The following CBLL1 variants were observed in gnomAD, a reference collection of about 807,000 sequenced individuals.
The protein encoded by CBLL1 is E3 ubiquitin-protein ligase Hakai.
CBLL1 carries 4 observed loss-of-function variants against 44.9 expected under a neutral mutation model. The observed-to-expected ratio is 0.09, with a 90% CI of 0.04 to 0.20. CBLL1 has a LOEUF of 0.20. Ranked by LOEUF, CBLL1 falls within the 10% of genes least tolerant of loss-of-function variation. The pLI, the probability that CBLL1 is intolerant of heterozygous loss-of-function variation, is 1.00. For missense variants in CBLL1, 569 were observed against 636.7 expected (o/e 0.89, Z 1.14); for synonymous variants, 235 against 202.2 (o/e 1.16, Z -1.38).
At chr7:107,744,471 C>T (rs1792904627) in intron 1 of CBLL1, 2 of 408,000 alleles carry the variant, frequency 4.9e-6, no homozygotes, top group Non-Finnish European at 8.7e-6. Context: ...AGAGCCCCGG[C>T]TCTGTTTTAT....
Position 107,759,834 on chromosome 7 carries a change from A to G in CBLL1, c.*656A>G, listed in dbSNP as rs1220177857. ...TTCATTTTTAGGCAGCCTCAGGAGC[A>G]CCAAAATACATTGGAATTCTAGTAC... On this transcript the variant is annotated 3_prime_UTR_variant, in exon 6 of 6. Coordinates refer to ENST00000440859, the MANE Select transcript of CBLL1 (RefSeq NM_024814.4). The G allele has an allele frequency of 6.6e-6, 1 of 152,324 alleles. No homozygotes were observed. The allele number at this position is 152,324 out of a possible 1,614,324, so 9.4% of individuals were successfully genotyped here.
intron 3 of CBLL1, 60 bp from the exon 4 acceptor site, chr7:107,753,835 G>T (rs1024040198): frequency 9.5e-7 from 1 of 1,053,244 alleles, no homozygotes; most frequent in Non-Finnish European, 1.4e-6. Context: ...CCAATTCATT[G>T]TGTAGATACA....
intron 4 of CBLL1, among the ~76,000 whole-genome samples, chr7:107,754,494 GAT>G (rs1052788387): frequency 1.3e-5 from 2 of 151,796 alleles, no homozygotes; most frequent in Admixed American, 6.6e-5. Context: ...CTCCAAAAAA[GAT>G]AGTTTTGCAT....
chr7:107,748,980 G>A lies in CBLL1; in HGVS notation c.114G>A (p.Ala38=), dbSNP rs1295494782. 3.7e-6 allele frequency: 6 copies of A among 1,614,008 alleles called. No individual in the cohort carries two copies. The highest frequency in any genetic ancestry group is 1.3e-5 in the African/African-American group (1 of 74,914). Residue 38 remains alanine (A), a synonymous_variant, in exon 2 of 6, where the codon GCG becomes GCA. Transcript: ENST00000440859. ...TCATCTCCAAACAAGCAAACAAAGC[G>A]AAACCTGCACCGCGAACTCAAAGAA... is the stretch of plus-strand genomic sequence containing the variant. ...IKLISKQANK[A]KPAPRTQRTI... is the part of the protein sequence containing the mutation.
At chr7:107,744,357 C>T (rs1449297460) in intron 1 of CBLL1, 181 bp downstream of exon 1, 1 of 726,472 alleles carries the variant, frequency 1.4e-6, no homozygotes, top group Non-Finnish European at 2.1e-6. Context: ...GGCCTACCGT[C>T]TGGTGTGGTA....
At chr7:107,744,258 A>G in intron 1 of CBLL1, 82 bp downstream of exon 1, 1 of 1,437,294 alleles carries the variant, frequency 7.0e-7, no homozygotes, top group Non-Finnish European at 9.3e-7. Context: ...GGCAAAAGGG[A>G]TTATGCTCGC....
chr7:107,758,856 C>T lies in CBLL1; in HGVS notation c.1154C>T (p.Thr385Ile). 1 of 1,614,012 alleles carries T rather than the reference C, an allele frequency of 6.2e-7. No homozygotes were observed. Among genetic ancestry groups the T allele is most frequent in the Non-Finnish European group, 8.5e-7 (1 of 1,179,978 alleles). ...ATGACCTCTGCTCCACCACCAATAA[C>T]CCCTCCCCCTGGACATATTATTGCC... is the stretch of plus-strand genomic sequence containing the variant. ...PPMTSAPPPI[T>I]PPPGHIIAQM... Residue 385 changes from threonine (T) to isoleucine (I), a missense_variant, in exon 6 of 6, where the codon ACC becomes ATC. This residue lies in a region of CBLL1 where 228 missense variants were observed against 253.2 expected (regional missense o/e 0.90). Coordinates refer to ENST00000440859, the MANE Select transcript of CBLL1 (RefSeq NM_024814.4). This position sits in a 1 kb window ranked among gnomAD's most constrained non-coding sequence, Gnocchi z 4.2.
chr7:107,758,871 A>T lies in CBLL1; in HGVS notation c.1169A>T (p.His390Leu). The T allele has an allele frequency of 6.2e-7, 1 of 1,613,936 alleles. No homozygotes were observed. Among genetic ancestry groups the T allele is most frequent in the Non-Finnish European group, 8.5e-7 (1 of 1,179,956 alleles). Residue 390 changes from histidine (H) to leucine (L), a missense_variant, in exon 6 of 6, where the codon CAT (histidine) becomes CTT (leucine). Coordinates refer to ENST00000440859, the MANE Select transcript of CBLL1 (RefSeq NM_024814.4). The surrounding 1 kb of genome is among the most constrained non-coding windows in gnomAD (Gnocchi z 4.2). ...CCACCAATAACCCCTCCCCCTGGAC[A>T]TATTATTGCCCAGATGCCACCTTAT... ...APPPITPPPGHIIAQMPPYMN... is the reference protein window; with the variant it reads ...APPPITPPPGLIIAQMPPYMN...
At chr7:107,751,517 C>T (rs952099007) in intron 2 of CBLL1, among the ~76,000 whole-genome samples, 4 of 152,122 alleles carry the variant, frequency 2.6e-5, no homozygotes, top group Admixed American at 6.5e-5. Flanking sequence ...TTTCTTTTAT[C>T]GTAGGGTTCC....
In CBLL1 at chr7:107,758,174, T is replaced by G; in HGVS notation, c.472T>G (p.Cys158Gly). The G allele has an allele frequency of 6.2e-7, 1 of 1,613,386 alleles. No homozygotes were observed. The highest frequency in any genetic ancestry group is 2.2e-5 in the East Asian group (1 of 44,874). ...CSDPVQRIEQCTRGSLFMCSI... is the reference protein window; with the variant it reads ...CSDPVQRIEQGTRGSLFMCSI... ...TGATCCTGTGCAGCGAATTGAGCAGTGTACACGAGGTTCTCTCTTCATGTG... is the reference window on the plus strand; with the variant it reads ...TGATCCTGTGCAGCGAATTGAGCAGGGTACACGAGGTTCTCTCTTCATGTG... The change falls in exon 6 of 6, where the codon TGT becomes GGT. Residue 158 changes from cysteine to glycine, a missense_variant. Around this residue, in one of 5 missense-constraint regions of CBLL1, gnomAD observed 209 missense variants for 202.8 expected, o/e 1.03. Transcript: ENST00000440859. The surrounding 1 kb of genome is among the most constrained non-coding windows in gnomAD (Gnocchi z 4.2).
chr7:107,759,284 G>T lies in CBLL1; in HGVS notation c.*106G>T. The T allele has an allele frequency of 2.1e-6, 2 of 949,172 alleles. No individual in the cohort carries two copies. Among genetic ancestry groups the T allele is most frequent in the Middle Eastern group, 3.2e-4 (1 of 3,142 alleles). The allele number at this position is 949,172 out of a possible 1,614,324, so 58.8% of individuals were successfully genotyped here. A position where few individuals can be genotyped will look rare whatever the true frequency, so the allele number is the denominator to read the frequency against. ...AGGAAGAGTACCTCTTATCGAGGTA[G>T]TATAAAACACATAGGGTCTTGTTTC... On this transcript the variant is annotated 3_prime_UTR_variant, in exon 6 of 6. Transcript: ENST00000440859.
At chr7:107,749,937 T>TA (rs199867031) in intron 2 of CBLL1, among the ~76,000 whole-genome samples, 60,785 of 149,772 alleles carry the variant, frequency 0.41, 12,596 homozygotes, top group East Asian at 0.62. Context: ...TGTATATATA[T>TA]TTTTTTGTTT....
At chr7:107,746,346 C>CACTTAAAA (rs1475216784) in intron 1 of CBLL1, among the ~76,000 whole-genome samples, 2 of 152,220 alleles carry the variant, frequency 1.3e-5, no homozygotes, top group East Asian at 3.9e-4. Context: ...ATGAGCTGAC[C>CACTTAAAA]ACTTAAAAAA....
In CBLL1 at chr7:107,758,457, A is replaced by G; in HGVS notation, c.755A>G (p.His252Arg). 1 of 1,614,148 alleles carries G rather than the reference A, an allele frequency of 6.2e-7. No individual in the cohort carries two copies. The highest frequency in any genetic ancestry group is 8.5e-7 in the Non-Finnish European group (1 of 1,180,020). The change falls in exon 6 of 6, where the codon CAC becomes CGC. Residue 252 changes from histidine to arginine, a missense_variant. By Grantham distance (29) the His-to-Arg change is conservative. Coordinates refer to ENST00000440859, the MANE Select transcript of CBLL1 (RefSeq NM_024814.4). The surrounding 1 kb of genome is among the most constrained non-coding windows in gnomAD (Gnocchi z 4.2). Reference protein sequence around the residue: ...PPPLQHVPHEHYNQPHEDIRA... With the variant: ...PPPLQHVPHERYNQPHEDIRA... The stretch of plus-strand genomic sequence containing the variant: ...CCTTTGCAACATGTGCCACATGAGC[A>G]CTATAATCAGCCACATGAGGATATT...
Position 107,758,979 on chromosome 7 carries a change from C to T in CBLL1, c.1277C>T (p.Pro426Leu). 1 of 1,613,914 alleles carries T rather than the reference C, an allele frequency of 6.2e-7. No homozygotes were observed. The highest frequency in any genetic ancestry group is 1.1e-5 in the South Asian group (1 of 91,052). ...GCACCCCCTCCTCACCATTATAATC[C>T]TAACTCATTACCCCAGTTCACTGAA... ...VTAPPPHHYNPNSLPQFTEDQ... is the reference protein window; with the variant it reads ...VTAPPPHHYNLNSLPQFTEDQ... The change falls in exon 6 of 6, where the codon CCT becomes CTT. Residue 426 changes from proline (P) to leucine (L), a missense_variant. Around this residue, in one of 5 missense-constraint regions of CBLL1, gnomAD observed 228 missense variants for 253.2 expected, o/e 0.90. Transcript: ENST00000440859. The surrounding 1 kb of genome is among the most constrained non-coding windows in gnomAD (Gnocchi z 4.2).
Position 107,758,155 on chromosome 7 carries a change from T to C in CBLL1, c.453T>C (p.Pro151=). The C allele has an allele frequency of 1.2e-6, 2 of 1,600,254 alleles. No individual in the cohort carries two copies. Among genetic ancestry groups the C allele is most frequent in the Middle Eastern group, 1.7e-4 (1 of 6,002 alleles). The part of the protein sequence containing the change: ...GDKMCPGCSD[P]VQRIEQCTRG... ...CCTTCTAATTTAGCTGTAGTGATCC[T>C]GTGCAGCGAATTGAGCAGTGTACAC... The change falls in exon 6 of 6, where the codon CCT becomes CCC. Residue 151 remains proline (P), a synonymous_variant. Transcript: ENST00000440859. The surrounding 1 kb of genome is among the most constrained non-coding windows in gnomAD (Gnocchi z 4.2).
intron 1 of CBLL1, among the ~76,000 whole-genome samples, chr7:107,748,219 T>C (rs574946911): frequency 6.6e-6 from 1 of 152,302 alleles, no homozygotes; most frequent in South Asian, 2.1e-4. Flanking sequence ...TAAATTATAA[T>C]TTTCCATTAC....
In CBLL1 at chr7:107,758,475, A is replaced by T. The variant is rs1793629464; in HGVS notation, c.773A>T (p.Glu258Val). The T allele has an allele frequency of 6.2e-7, 1 of 1,614,010 alleles. No homozygotes were observed. Among genetic ancestry groups the T allele is most frequent in the Non-Finnish European group, 8.5e-7 (1 of 1,180,032 alleles). Reference sequence around the variant, plus strand: ...CATGAGCACTATAATCAGCCACATGAGGATATTCGTGCTCCTCCAGCAGAA... The same window carrying T: ...CATGAGCACTATAATCAGCCACATGTGGATATTCGTGCTCCTCCAGCAGAA... Reference protein sequence around the residue: ...VPHEHYNQPHEDIRAPPAELS... With the variant: ...VPHEHYNQPHVDIRAPPAELS... Residue 258 changes from glutamate to valine, a missense_variant, in exon 6 of 6, where the codon GAG becomes GTG. Coordinates refer to ENST00000440859, the MANE Select transcript of CBLL1 (RefSeq NM_024814.4). This position sits in a 1 kb window ranked among gnomAD's most constrained non-coding sequence, Gnocchi z 4.2.
At chr7:107,746,530 C>T (rs371869129) in intron 1 of CBLL1, among the ~76,000 whole-genome samples, 17 of 152,114 alleles carry the variant, frequency 1.1e-4, no homozygotes, top group East Asian at 3.8e-4. Flanking sequence ...TCATGAAATT[C>T]GTAAACATGA....
Sources: allele counts gnomAD v4.1 joint callset (sites outside exome capture counted in the v4.1 genomes callset), GRCh38; gene constraint gnomAD v4.1.1; regional missense constraint gnomAD v4.1.1; non-coding constraint Gnocchi (gnomAD v3.1); transcripts MANE v1.5; gene names NCBI Gene and HGNC (gene_info 2026-07-23, HGNC 2026-07-21).